Variants in CES3 observed in about 807,000 individuals in gnomAD.
The protein encoded by CES3 is carboxylesterase 3 (brain).
Under a neutral mutation model 57.6 loss-of-function variants are expected in CES3, and 49 were observed. The ratio of observed to expected loss-of-function variants is 0.85; its 90% confidence interval spans 0.68 to 1.08. CES3 has a LOEUF of 1.08. Ranked by LOEUF, CES3 falls within the 50% of genes least tolerant of loss-of-function variation. The pLI is 0.00. For missense variants in CES3, 645 were observed against 742.0 expected (o/e 0.87, Z 1.52); for synonymous variants, 266 against 281.6 (o/e 0.94, Z 0.55).
At chr16:66,969,799 G>A (rs1216028111) in intron 9 of CES3, 40 bp downstream of exon 9, 1 of 1,563,416 alleles carries the variant, frequency 6.4e-7, no homozygotes, top group Non-Finnish European at 8.7e-7. Context: ...AGGGCAGGAG[G>A]GAGGAAGCTA....
At chr16:66,965,197 G>A (rs1963712603) in intron 6 of CES3, among the ~76,000 whole-genome samples, 1 of 152,248 alleles carries the variant, frequency 6.6e-6, no homozygotes, top group Admixed American at 6.5e-5. Context: ...CAAGCTCGCA[G>A]GTTAGGGAAC....
Position 66,963,127 on chromosome 16 carries a change from C to T in CES3, c.83-52C>T. 7 of 1,570,342 alleles carry T rather than the reference C, an allele frequency of 4.5e-6. No individual in the cohort carries two copies. The highest frequency in any genetic ancestry group is 1.7e-4 in the Middle Eastern group (1 of 5,982). ...CCTGAGGGTTTGTCTTTCACTCCTT[C>T]CCCTCATGGGGGCTGCAAACTCACC... On this transcript the variant is annotated intron_variant, in intron 1 of 12. Coordinates refer to ENST00000303334, the MANE Select transcript of CES3 (RefSeq NM_024922.6). This position sits in a 1 kb window ranked among gnomAD's most constrained non-coding sequence, Gnocchi z 4.9.
rs140768170 is a variant in CES3 at position 66,971,232 on chromosome 16, G to A, written c.1204G>A (p.Ala402Thr). 291 of 1,614,056 alleles carry A rather than the reference G, an allele frequency of 1.8e-4. 1 individual carries two copies. The highest frequency in any genetic ancestry group is 1.2e-3 in the Middle Eastern group (7 of 6,062). Reference protein sequence around the residue: ...IDEYLGSNSDAQAKCQAFQEF... With the variant: ...IDEYLGSNSDTQAKCQAFQEF... ...TGAATACCTAGGAAGCAACTCGGAC[G>A]CACAAGCCAAATGCCAGGCGTTCCA... The change falls in exon 10 of 13, where the codon GCA becomes ACA. Residue 402 changes from alanine to threonine, a missense_variant. By Grantham distance (58) the Ala-to-Thr change is moderately conservative. Coordinates refer to ENST00000303334, the MANE Select transcript of CES3 (RefSeq NM_024922.6).
chr16:66,963,935 G>C lies in CES3; in HGVS notation c.560G>C (p.Ser187Thr). 1 of 1,612,442 alleles carries C rather than the reference G, an allele frequency of 6.2e-7. No homozygotes were observed. Among genetic ancestry groups the C allele is most frequent in the Non-Finnish European group, 8.5e-7 (1 of 1,178,740 alleles). The change falls in exon 4 of 13, where the codon AGC becomes ACC. Residue 187 changes from serine to threonine, a missense_variant and splice_region_variant. Physicochemically the swap from Ser to Thr is moderately conservative, Grantham distance 58. Transcript: ENST00000303334. The surrounding 1 kb of genome is among the most constrained non-coding windows in gnomAD (Gnocchi z 4.9). ...CGCCTTGGGGTCCTTGGCTTCTTCAGGTGAGACGACAGGCATGGCCAGAGC... is the reference window on the plus strand; with the variant it reads ...CGCCTTGGGGTCCTTGGCTTCTTCACGTGAGACGACAGGCATGGCCAGAGC... The part of the protein sequence containing the change: ...QYRLGVLGFF[S>T]TGDEHAPGNQ...
rs1375180048 is a variant in CES3, at chr16:66,974,696, T to C, written c.*1647T>C. On this transcript the variant is annotated 3_prime_UTR_variant, in exon 13 of 13. Transcript: ENST00000303334. The stretch of plus-strand genomic sequence containing the variant: ...GGGTGAAGCCAGCTGGGCTCCTGAG[T>C]CTGGTGGGGACTTGGAGAACCTTTA... 2 of 153,138 alleles carry C rather than the reference T, an allele frequency of 1.3e-5. No homozygotes were observed. Among genetic ancestry groups the C allele is most frequent in the Non-Finnish European group, 2.9e-5 (2 of 68,800 alleles). 9.5% of individuals were successfully genotyped at this position (153,138 alleles called of 1,614,324 possible).
chr16:66,967,920 C>T, intron 8 of CES3: 1 of 258,220 alleles, frequency 3.9e-6, no homozygotes, highest in Non-Finnish European at 6.0e-6. Context: ...CCATACTCTG[C>T]TAACTTTTTT....
At chr16:66,962,850 T>C (rs1963669695) in intron 1 of CES3, among the ~76,000 whole-genome samples, 1 of 152,156 alleles carries the variant, frequency 6.6e-6, no homozygotes, top group Non-Finnish European at 1.5e-5. Context: ...TGAGCCAAGA[T>C]CGTGCCACTG....
At chr16:66,965,467 A>G (rs13336470) in intron 6 of CES3, among the ~76,000 whole-genome samples, 49,107 of 152,062 alleles carry the variant, frequency 0.32, 11,512 homozygotes, top group African/African-American at 0.66. Context: ...GACTGGGTCA[A>G]TTCCCTCACC....
At chr16:66,964,585 C>A (rs1473647412) in intron 5 of CES3, 38 bp from the exon 6 acceptor site, 1 of 1,612,342 alleles carries the variant, frequency 6.2e-7, no homozygotes, top group South Asian at 1.1e-5. Context: ...CTCCTCTGCC[C>A]TCCTCTGACA....
intron 10 of CES3, 110 bp downstream of exon 10, chr16:66,971,429 C>T: frequency 9.4e-7 from 1 of 1,067,116 alleles, no homozygotes; most frequent in Non-Finnish European, 1.4e-6. Context: ...TGCCTTGCAC[C>T]CCACACCCCA....
At position 66,966,823 on chromosome 16, in the gene CES3, C is replaced by T; in HGVS notation, c.1020C>T (p.Leu340=). Residue 340 remains leucine, a synonymous_variant, in exon 8 of 13, where the codon CTC becomes CTT. Coordinates refer to ENST00000303334, the MANE Select transcript of CES3 (RefSeq NM_024922.6). ...KEKPFHSVPF[L]MGVNNHEFSW... is the part of the protein sequence containing the mutation. ...AGCCCTTCCACTCTGTGCCCTTCCTCATGGGTGTCAACAACCATGAGTTCA... is the reference window on the plus strand; with the variant it reads ...AGCCCTTCCACTCTGTGCCCTTCCTTATGGGTGTCAACAACCATGAGTTCA... 1 of 1,614,160 alleles carries T rather than the reference C, an allele frequency of 6.2e-7. No homozygotes were observed. Among genetic ancestry groups the T allele is most frequent in the Non-Finnish European group, 8.5e-7 (1 of 1,180,028 alleles).
rs2145542414 is a variant in CES3 at position 66,972,435 on chromosome 16, G to A, written c.1371G>A (p.Lys457=). 2 of 1,614,118 alleles carry A rather than the reference G, an allele frequency of 1.2e-6. No individual in the cohort carries two copies. Among genetic ancestry groups the A allele is most frequent in the Non-Finnish European group, 1.7e-6 (2 of 1,180,012 alleles). Residue 457 remains lysine (K), a synonymous_variant, in exon 11 of 13, where the codon AAG becomes AAA. Transcript: ENST00000303334. Reference sequence around the variant, plus strand: ...CGAAGATCAAACCTGCCTGGGTGAAGGCTGATCATGGGGCCGAGGGTGCTT... The same window carrying A: ...CGAAGATCAAACCTGCCTGGGTGAAAGCTGATCATGGGGCCGAGGGTGCTT... ...SFAKIKPAWV[K]ADHGAEGAFV... is the part of the protein sequence containing the mutation.
In CES3 at chr16:66,974,467, G is replaced by C. The variant is rs1030931368; in HGVS notation, c.*1418G>C. The C allele has an allele frequency of 6.5e-6, 1 of 152,726 alleles. No homozygotes were observed. The highest frequency in any genetic ancestry group is 1.5e-5 in the Non-Finnish European group (1 of 68,446). The allele number at this position is 152,726 out of a possible 1,614,324, so 9.5% of individuals were successfully genotyped here. On this transcript the variant is annotated 3_prime_UTR_variant, in exon 13 of 13. Transcript: ENST00000303334. Reference sequence around the variant, plus strand: ...CTGGGCCTTAGCTGCCTCCCCGCGGGGCAGGGCTCGGGACCTGCAGCCCTC... The same window carrying C: ...CTGGGCCTTAGCTGCCTCCCCGCGGCGCAGGGCTCGGGACCTGCAGCCCTC...
intron 7 of CES3, 79 bp downstream of exon 7, chr16:66,966,424 C>A: frequency 7.2e-7 from 1 of 1,398,520 alleles, no homozygotes; most frequent in Non-Finnish European, 9.9e-7. Context: ...AGCAGAGGGG[C>A]AGTCTACCCC....
In CES3 at chr16:66,969,848, C is replaced by T. The variant is rs2145539150; in HGVS notation, c.1143+89C>T. ...CCAACAGCACAGTCTCTGCCCCTAC[C>T]TTCCGACACCCACAGCTACCCACCT... On this transcript the variant is annotated intron_variant, in intron 9 of 12. Transcript: ENST00000303334. The T allele has an allele frequency of 1.1e-5, 13 of 1,164,650 alleles. No individual in the cohort carries two copies. In the South Asian group the frequency reaches 1.7e-4, roughly 16 times the overall value. 72.1% of individuals were successfully genotyped at this position (1,164,650 alleles called of 1,614,324 possible).
At chr16:66,961,467 G>A (rs758565567) in intron 1 of CES3, 78 bp downstream of exon 1, 5 of 1,178,820 alleles carry the variant, frequency 4.2e-6, no homozygotes, top group Non-Finnish European at 6.2e-6. Flanking sequence ...GGAGCAGTGG[G>A]CCGACCGCTC....
At chr16:66,970,105 C>G (rs1199741847) in intron 9 of CES3, among the ~76,000 whole-genome samples, 1 of 143,298 alleles carries the variant, frequency 7.0e-6, no homozygotes, top group Non-Finnish European at 1.5e-5. Flanking sequence ...CTTTTCTTTT[C>G]TTTGTTTTTT....
In CES3 at chr16:66,969,724, A is replaced by G. The variant is rs1963797842; in HGVS notation, c.1108A>G (p.Met370Val). The G allele has an allele frequency of 6.2e-7, 1 of 1,613,412 alleles. No homozygotes were observed. The highest frequency in any genetic ancestry group is 8.5e-7 in the Non-Finnish European group (1 of 1,179,744). ...DTMEQMSRED[M>V]LAISTPVLTS... is the part of the protein sequence containing the mutation. ...AATGGAGCAGATGAGCCGGGAGGAC[A>G]TGCTGGCCATCTCAACACCCGTCTT... The change falls in exon 9 of 13, where the codon ATG becomes GTG. Residue 370 changes from methionine to valine, a missense_variant. Transcript: ENST00000303334.
At chr16:66,969,884 C>G (rs1360576169) in intron 9 of CES3, 125 bp downstream of exon 9, 6 of 779,890 alleles carry the variant, frequency 7.7e-6, no homozygotes, top group Non-Finnish European at 1.3e-5. Flanking sequence ...ACCACCAAGC[C>G]CCTTTGTCTA....
Sources: allele counts gnomAD v4.1 joint callset (sites outside exome capture counted in the v4.1 genomes callset), GRCh38; gene constraint gnomAD v4.1.1; non-coding constraint Gnocchi (gnomAD v3.1); transcripts MANE v1.5; gene names NCBI Gene and HGNC (gene_info 2026-07-23, HGNC 2026-07-21).